TMEFF2: variants seen among roughly 807,000 people sequenced by gnomAD.
TMEFF2 encodes the protein transmembrane protein with EGF like and two follistatin like domains 2.
TMEFF2 carries 28 observed loss-of-function variants against 53.8 expected under a neutral mutation model. That is an observed-to-expected ratio of 0.52 (90% CI 0.39 to 0.71). TMEFF2 has a LOEUF of 0.71. Ranked by LOEUF, TMEFF2 falls within the 30% of genes least tolerant of loss-of-function variation. The pLI, the probability that TMEFF2 is intolerant of heterozygous loss-of-function variation, is 0.00. For missense variants in TMEFF2, 353 were observed against 455.2 expected, an observed-to-expected ratio of 0.78 and a Z score of 2.04; for synonymous variants, 162 against 166.3, an observed-to-expected ratio of 0.97 and a Z score of 0.20.
At chr2:192,012,931 G>C (rs911885627) in intron 5 of TMEFF2, among the ~76,000 whole-genome samples, 1 of 152,058 alleles carries the variant, frequency 6.6e-6, no homozygotes, top group Non-Finnish European at 1.5e-5. Context: ...CCACAATTAG[G>C]ATACTAAGAT....
At chr2:192,188,061 G>T (rs1382082028) in intron 2 of TMEFF2, among the ~76,000 whole-genome samples, 1 of 152,042 alleles carries the variant, frequency 6.6e-6, no homozygotes, top group South Asian at 2.1e-4. Flanking sequence ...TAAGAAGAAT[G>T]GCTTGGGATA....
rs535916237 is a variant in TMEFF2, at chr2:192,007,721, G to T, written c.537-8513C>A. 4.6e-5 allele frequency among the ~76,000 whole-genome samples: 7 copies of T among 152,246 alleles called. No homozygotes were observed. In the South Asian group the frequency reaches 1.4e-3, roughly 32 times the overall value. The stretch of plus-strand genomic sequence containing the variant: ...ATGAGAAGGTCAACATGATGAAAGC[G>T]GTGCTTTAGAAAGATGGCGCTAGCA... On this transcript the variant is annotated intron_variant, in intron 5 of 9. Coordinates refer to ENST00000272771, the MANE Select transcript of TMEFF2 (RefSeq NM_016192.4).
chr2:191,967,595 G>A (rs908514776), intron 7 of TMEFF2, among the ~76,000 whole-genome samples: 5 of 152,038 alleles, frequency 3.3e-5, no homozygotes, highest in African/African-American at 9.7e-5. Flanking sequence ...TGATTCTGAC[G>A]TGCAAATAGT....
chr2:192,075,300 T>TAAATATATATATATATATATATATAA (rs1559114998), intron 4 of TMEFF2, among the ~76,000 whole-genome samples: 1 of 40,116 alleles, frequency 2.5e-5, no homozygotes. Flanking sequence ...TATATATATA[T>TAAATATATATATATATATATATATAA]ATATATATAT....
At chr2:191,962,711 G>C (rs1456369555) in intron 7 of TMEFF2, among the ~76,000 whole-genome samples, 1 of 152,116 alleles carries the variant, frequency 6.6e-6, no homozygotes, top group East Asian at 1.9e-4. Flanking sequence ...GCATAACAAG[G>C]CTCATGTAGA....
rs185220304 is a variant in TMEFF2 at position 191,954,163 on chromosome 2, A to G, written c.870-326T>C. 9.0e-3 allele frequency among the ~76,000 whole-genome samples: 1,366 copies of G among 152,234 alleles called. 22 individuals are homozygous for G. Among genetic ancestry groups the G allele is most frequent in the African/African-American group, 0.031 (1,282 of 41,540 alleles). ...CAGCCTCCCAAAGTGCTGGGATTAC[A>G]GGCGTGAGCCACCGCGCCCGGCCTG... On this transcript the variant is annotated intron_variant, in intron 8 of 9. Coordinates refer to ENST00000272771, the MANE Select transcript of TMEFF2 (RefSeq NM_016192.4).
At chr2:192,188,526 C>A (rs1445499333) in intron 2 of TMEFF2, among the ~76,000 whole-genome samples, 1 of 152,130 alleles carries the variant, frequency 6.6e-6, no homozygotes, top group Non-Finnish European at 1.5e-5. Context: ...TAAGCCCTAC[C>A]AAAATGGCAG....
At chr2:191,977,327 A>G (rs764553525) in intron 7 of TMEFF2, among the ~76,000 whole-genome samples, 1 of 152,198 alleles carries the variant, frequency 6.6e-6, no homozygotes, top group Non-Finnish European at 1.5e-5. Flanking sequence ...CAAAGGCGGC[A>G]CCCACTAACC....
intron 4 of TMEFF2, among the ~76,000 whole-genome samples, chr2:192,077,689 A>G (rs1688463667): frequency 6.6e-6 from 1 of 152,228 alleles, no homozygotes; most frequent in South Asian, 2.1e-4. Context: ...TGGATACAGA[A>G]GGTATCATGG....
At chr2:192,071,812 G>C (rs982040593) in intron 4 of TMEFF2, among the ~76,000 whole-genome samples, 1 of 151,690 alleles carries the variant, frequency 6.6e-6, no homozygotes, top group African/African-American at 2.4e-5. Flanking sequence ...AACCATCCAC[G>C]TATTTTCAAA....
intron 4 of TMEFF2, among the ~76,000 whole-genome samples, chr2:192,104,587 C>T (rs1252066362): frequency 6.6e-6 from 1 of 151,934 alleles, no homozygotes; most frequent in Non-Finnish European, 1.5e-5. Flanking sequence ...AATTTTAAAC[C>T]TCTTCTATTC....
intron 4 of TMEFF2, among the ~76,000 whole-genome samples, chr2:192,084,854 A>G (rs931502257): frequency 2.6e-5 from 4 of 152,176 alleles, no homozygotes; most frequent in African/African-American, 9.7e-5. Context: ...GAGGGGATTC[A>G]TTAGGTTTTT....
At position 191,985,895 on chromosome 2, in the gene TMEFF2, T is replaced by C. The variant is rs186032184; in HGVS notation, c.745+12367A>G. ...TATTCCTGTTCCAAGGAGGGTCTGT[T>C]ACTTGGAGCCACCTAACAGTATTGC... On this transcript the variant is annotated intron_variant, in intron 7 of 9. Transcript: ENST00000272771. 1.1e-3 allele frequency among the ~76,000 whole-genome samples: 169 copies of C among 152,324 alleles called. 2 individuals are homozygous for C. Among genetic ancestry groups the C allele is most frequent in the African/African-American group, 4.0e-3 (166 of 41,586 alleles).
chr2:192,123,837 C>T (rs1187002361), intron 4 of TMEFF2, among the ~76,000 whole-genome samples: 1 of 152,176 alleles, frequency 6.6e-6, no homozygotes, highest in East Asian at 1.9e-4. Flanking sequence ...CAGATAGCTG[C>T]CTCTTATTCA....
chr2:191,982,964 G>A (rs1163537332), intron 7 of TMEFF2, among the ~76,000 whole-genome samples: 1 of 152,134 alleles, frequency 6.6e-6, no homozygotes, highest in Non-Finnish European at 1.5e-5. Flanking sequence ...GCTTGCAGTA[G>A]AAATGGGAGT....
intron 5 of TMEFF2, chr2:192,043,699 G>A (rs928765184): frequency 2.6e-5 from 4 of 152,188 alleles, no homozygotes; most frequent in Non-Finnish European, 2.9e-5. Flanking sequence ...AGCAGCTGGC[G>A]GAAACCCCGC....
chr2:192,116,601 G>A (rs1221120079), intron 4 of TMEFF2, among the ~76,000 whole-genome samples: 1 of 151,964 alleles, frequency 6.6e-6, no homozygotes, highest in African/African-American at 2.4e-5. Flanking sequence ...AACCATAAAG[G>A]AAATAATTTT....
chr2:192,077,959 T>C (rs987240267), intron 4 of TMEFF2, among the ~76,000 whole-genome samples: 4 of 152,126 alleles, frequency 2.6e-5, no homozygotes, highest in Non-Finnish European at 4.4e-5. Flanking sequence ...ATAAACAGAC[T>C]CTAGCAAGCA....
At chr2:192,061,312 T>A (rs1219341192) in intron 4 of TMEFF2, among the ~76,000 whole-genome samples, 1 of 151,958 alleles carries the variant, frequency 6.6e-6, no homozygotes, top group East Asian at 1.9e-4. Context: ...ATCTGCTGGT[T>A]CCCCATTCAC....
Sources: allele counts gnomAD v4.1 joint callset (sites outside exome capture counted in the v4.1 genomes callset), GRCh38; gene constraint gnomAD v4.1.1; transcripts MANE v1.5; gene names NCBI Gene and HGNC (gene_info 2026-07-23, HGNC 2026-07-21).